LRTM3: variants seen among roughly 807,000 people sequenced by gnomAD.
LRTM3 encodes leucine-rich repeat transmembrane protein 3.
At chr13:102,744,951 T>C in the LRTM3 span, 16 of 1,550,656 alleles carry the variant, frequency 1.0e-5, no homozygotes, top group East Asian at 3.4e-4. Context: ...CCACGTTTTA[T>C]TGCACCAGTT....
the LRTM3 span, chr13:102,749,159 A>T: frequency 6.4e-7 from 1 of 1,550,476 alleles, no homozygotes; most frequent in African/African-American, 1.4e-5. Context: ...CCTATTTTTT[A>T]AAGTGTGACA....
chr13:102,746,247 A>G, the LRTM3 span: 2 of 1,550,808 alleles, frequency 1.3e-6, no homozygotes, highest in African/African-American at 2.7e-5. Flanking sequence ...CCCGCCTCAG[A>G]CCCCAGGTGC....
the LRTM3 span, chr13:102,731,324 C>G: frequency 1.3e-6 from 2 of 1,551,226 alleles, no homozygotes; most frequent in Admixed American, 3.9e-5. Context: ...AGAATAGAAC[C>G]TCCAACTGTT....
At chr13:102,745,075 T>G in the LRTM3 span, 1 of 1,550,884 alleles carries the variant, frequency 6.4e-7, no homozygotes, top group Non-Finnish European at 8.7e-7. Flanking sequence ...CTCTTTGTAT[T>G]GGCTCTGCAG....
chr13:102,739,114 T>C, the LRTM3 span: 2 of 1,550,304 alleles, frequency 1.3e-6, no homozygotes, highest in African/African-American at 2.7e-5. Flanking sequence ...CCAAGTGAGG[T>C]GGAGAAAGAA....
chr13:102,750,473 T>C, the LRTM3 span: 5 of 800,122 alleles, frequency 6.2e-6, no homozygotes, highest in East Asian at 2.7e-5. Context: ...AAATGCAGCA[T>C]AGTATATGAA....
At chr13:102,740,894 G>T in the LRTM3 span, 3 of 1,549,834 alleles carry the variant, frequency 1.9e-6, no homozygotes, top group East Asian at 4.9e-5. Flanking sequence ...AGAAACAGAT[G>T]CTGGAAAAGC....
chr13:102,749,392 T>C, the LRTM3 span: 1 of 1,551,412 alleles, frequency 6.4e-7, no homozygotes, highest in Middle Eastern at 1.7e-4. Flanking sequence ...GTGGCATATC[T>C]TCAGTGACTA....
chr13:102,732,159 T>C, the LRTM3 span: 2 of 1,551,366 alleles, frequency 1.3e-6, no homozygotes, highest in Non-Finnish European at 1.7e-6. Context: ...TCACTAGTGT[T>C]TGGTGATTTT....
chr13:102,747,861 A>T, the LRTM3 span: 1 of 1,551,264 alleles, frequency 6.4e-7, no homozygotes, highest in Non-Finnish European at 8.7e-7. Flanking sequence ...CTACTTCCTG[A>T]ACTGATCTGT....
At chr13:102,758,456 A>C in the LRTM3 span, 1 of 1,539,036 alleles carries the variant, frequency 6.5e-7, no homozygotes, top group South Asian at 1.2e-5. Context: ...TCTGGAGCTG[A>C]ATAGGAATAA....
the LRTM3 span, chr13:102,731,304 T>G: frequency 1.9e-6 from 3 of 1,551,274 alleles, no homozygotes; most frequent in Non-Finnish European, 2.6e-6. Flanking sequence ...AAGTTCATTG[T>G]TTTATGTCTA....
At chr13:102,745,071 G>A in the LRTM3 span, 1 of 1,550,796 alleles carries the variant, frequency 6.4e-7, no homozygotes, top group Non-Finnish European at 8.7e-7. Context: ...TCCTCTCTTT[G>A]TATTGGCTCT....
the LRTM3 span, chr13:102,750,526 T>C: frequency 2.3e-5 from 13 of 569,168 alleles, no homozygotes; most frequent in South Asian, 3.8e-4. Context: ...ATTATCCATA[T>C]TACAAAACAA....
chr13:102,730,511 T>C, the LRTM3 span: 4 of 1,551,572 alleles, frequency 2.6e-6, no homozygotes, highest in Non-Finnish European at 3.5e-6. Flanking sequence ...ATATTGTTTG[T>C]TTTTTTCTGG....
the LRTM3 span, among the ~76,000 whole-genome samples, chr13:102,751,223 G>A: frequency 6.6e-6 from 1 of 152,046 alleles, no homozygotes; most frequent in Non-Finnish European, 1.5e-5. Context: ...ACATACTCCA[G>A]CAAGAGGAAA....
the LRTM3 span, chr13:102,750,286 C>T: frequency 1.3e-6 from 2 of 1,549,630 alleles, no homozygotes; most frequent in Non-Finnish European, 1.7e-6. Flanking sequence ...TAGTACCTGA[C>T]CATAGTATTT....
the LRTM3 span, chr13:102,734,495 A>T: frequency 6.4e-7 from 1 of 1,551,342 alleles, no homozygotes; most frequent in Non-Finnish European, 8.7e-7. Context: ...GTTCACATGC[A>T]GTTCTGTTCT....
chr13:102,755,719 T>C, the LRTM3 span, among the ~76,000 whole-genome samples: 1 of 150,630 alleles, frequency 6.6e-6, no homozygotes, highest in Non-Finnish European at 1.5e-5. Flanking sequence ...ATGGCACACG[T>C]ATCCCTATGT....
Sources: gnomAD v4.1 joint callset for allele counts (sites outside exome capture counted in the v4.1 genomes callset) on GRCh38, gnomAD v4.1.1 for gene constraint, MANE v1.5 for transcripts, NCBI Gene and HGNC (gene_info 2026-07-23, HGNC 2026-07-21) for gene names.